The following AGBL4 variants were observed in gnomAD, a reference collection of about 807,000 sequenced individuals.
The protein encoded by AGBL4 is AGBL carboxypeptidase 4, also known as cytosolic carboxypeptidase 6.
AGBL4 carries 58 observed loss-of-function variants against 66.4 expected under a neutral mutation model. The observed-to-expected ratio is 0.87, with a 90% CI of 0.71 to 1.09. AGBL4 has a LOEUF of 1.09. Among genes scored for constraint, AGBL4 ranks in the 50% least tolerant of loss-of-function variants. The pLI is 0.00. For missense variants in AGBL4, 579 were observed against 631.0 expected (o/e 0.92, Z 0.88); for synonymous variants, 234 against 222.9 (o/e 1.05, Z -0.44).
At chr1:48,615,560 G>A (rs748255136) in intron 9 of AGBL4, among the ~76,000 whole-genome samples, 3 of 152,206 alleles carry the variant, frequency 2.0e-5, no homozygotes, top group Non-Finnish European at 4.4e-5. Context: ...GAGAATCACT[G>A]CTTTTAAACC....
intron 5 of AGBL4, among the ~76,000 whole-genome samples, chr1:49,017,664 A>G (rs80108146): frequency 0.043 from 6,484 of 152,226 alleles, 177 homozygotes; most frequent in East Asian, 0.074. Flanking sequence ...GAGGGCAGAA[A>G]TCATGTCTAG....
At chr1:49,306,051 C>G (rs1644844073) in intron 3 of AGBL4, among the ~76,000 whole-genome samples, 1 of 152,062 alleles carries the variant, frequency 6.6e-6, no homozygotes, top group Non-Finnish European at 1.5e-5. Context: ...TTCTTGTCTC[C>G]CTTATTCAAG....
chr1:49,477,164 A>G lies in AGBL4; in HGVS notation c.282+220149T>C, dbSNP rs569440545. Among the ~76,000 whole-genome samples the G allele has an allele frequency of 4.8e-4, 73 of 152,240 alleles. 5 individuals carry two copies. In the South Asian group the frequency reaches 0.011, roughly 22 times the overall value. Reference sequence around the variant, plus strand: ...AACTCACCTCACTGAAGGGAAGGATATAAACTTGGATAGCTTCACTAGCTG... The same window carrying G: ...AACTCACCTCACTGAAGGGAAGGATGTAAACTTGGATAGCTTCACTAGCTG... On this transcript the variant is annotated intron_variant, in intron 3 of 13. Transcript: ENST00000371839.
At chr1:48,671,194 T>TGAGCA (rs1221046024) in intron 6 of AGBL4, among the ~76,000 whole-genome samples, 1 of 152,258 alleles carries the variant, frequency 6.6e-6, no homozygotes, top group Non-Finnish European at 1.5e-5. Context: ...ATGCAGCATC[T>TGAGCA]GTTATGCCAG....
downstream of AGBL4, among the ~76,000 whole-genome samples, chr1:48,529,459 C>T (rs1018834465): frequency 2.0e-5 from 3 of 152,102 alleles, no homozygotes; most frequent in East Asian, 1.9e-4. Flanking sequence ...ATGAGGATCC[C>T]GAGACTTAAA....
At chr1:48,975,961 C>T (rs1428387734) in intron 5 of AGBL4, among the ~76,000 whole-genome samples, 1 of 152,088 alleles carries the variant, frequency 6.6e-6, no homozygotes, top group East Asian at 1.9e-4. Flanking sequence ...CTCAGAACTT[C>T]AAGCAGAACA....
At chr1:49,971,907 G>GTTGTTTTTT (rs1553155278) in intron 1 of AGBL4, among the ~76,000 whole-genome samples, 414 of 23,428 alleles carry the variant, frequency 0.018, 140 homozygotes, top group Non-Finnish European at 0.022. Flanking sequence ...GTTTTTTTGG[G>GTTGTTTTTT]TTTTTTTTTT....
chr1:48,695,005 AC>A (rs1646692970), intron 6 of AGBL4, among the ~76,000 whole-genome samples: 1 of 151,802 alleles, frequency 6.6e-6, no homozygotes. Context: ...ACTCCTCCCC[AC>A]CCTACTGGCT....
intron 5 of AGBL4, among the ~76,000 whole-genome samples, chr1:48,968,322 C>G (rs756073750): frequency 6.6e-6 from 1 of 152,062 alleles, no homozygotes; most frequent in Non-Finnish European, 1.5e-5. Flanking sequence ...GGACTTCATT[C>G]TAGGTGAATG....
chr1:49,088,313 C>T (rs940100241), intron 4 of AGBL4, among the ~76,000 whole-genome samples: 9 of 152,074 alleles, frequency 5.9e-5, no homozygotes, highest in South Asian at 2.1e-4. Context: ...AATGCCCAAC[C>T]GTATGCTGTC....
intron 2 of AGBL4, among the ~76,000 whole-genome samples, chr1:49,718,889 TA>T (rs1190648500): frequency 6.6e-6 from 1 of 152,230 alleles, no homozygotes; most frequent in East Asian, 1.9e-4. Context: ...TTCTCTATTC[TA>T]AAAGTGTCTG....
At chr1:48,997,564 T>C (rs1353577522) in intron 5 of AGBL4, among the ~76,000 whole-genome samples, 1 of 152,188 alleles carries the variant, frequency 6.6e-6, no homozygotes, top group Non-Finnish European at 1.5e-5. Flanking sequence ...AAATTGCACA[T>C]GATCTGGCCT....
chr1:49,137,961 C>T (rs908607053), intron 4 of AGBL4, among the ~76,000 whole-genome samples: 1 of 151,982 alleles, frequency 6.6e-6, no homozygotes, highest in African/African-American at 2.4e-5. Flanking sequence ...TGAGCAGAAG[C>T]TTAAACAAGG....
chr1:49,109,874 C>T (rs1008596091), intron 4 of AGBL4, among the ~76,000 whole-genome samples: 13 of 152,120 alleles, frequency 8.5e-5, no homozygotes, highest in Non-Finnish European at 2.9e-5. Flanking sequence ...TAGAACAATG[C>T]CTGGCTCACA....
In AGBL4 at chr1:49,380,016, G is replaced by C. The variant is rs554045749; in HGVS notation, c.283-134152C>G. 1.9e-4 allele frequency among the ~76,000 whole-genome samples: 29 copies of C among 152,190 alleles called. No individual in the cohort carries two copies. In the East Asian group the frequency reaches 5.2e-3, roughly 27 times the overall value. On this transcript the variant is annotated intron_variant, in intron 3 of 13. Coordinates refer to ENST00000371839, the MANE Select transcript of AGBL4 (RefSeq NM_032785.4). ...TTCTGGCCAGGGAAATTAGGCAGGA[G>C]AAGGAAATAAAGGGTATTCAATTAG...
intron 11 of AGBL4, among the ~76,000 whole-genome samples, chr1:48,566,922 A>G (rs946662985): frequency 1.3e-5 from 2 of 152,214 alleles, no homozygotes; most frequent in African/African-American, 4.8e-5. Flanking sequence ...TGAGGTCAGG[A>G]GTTCAAGACC....
intron 3 of AGBL4, among the ~76,000 whole-genome samples, chr1:49,364,158 T>C (rs935090756): frequency 1.3e-5 from 2 of 152,208 alleles, no homozygotes; most frequent in African/African-American, 2.4e-5. Flanking sequence ...TATAATATTG[T>C]ATAACAAATT....
At chr1:49,422,443 G>T (rs1029543046) in intron 3 of AGBL4, among the ~76,000 whole-genome samples, 2 of 151,984 alleles carry the variant, frequency 1.3e-5, no homozygotes, top group Non-Finnish European at 2.9e-5. Flanking sequence ...GGTCATGCTG[G>T]CTGCTTAACT....
intron 4 of AGBL4, among the ~76,000 whole-genome samples, chr1:49,110,766 C>T (rs904190253): frequency 6.6e-6 from 1 of 152,114 alleles, no homozygotes; most frequent in African/African-American, 2.4e-5. Flanking sequence ...CATTTCTCTG[C>T]TCCTCTTCTT....
Sources: allele counts gnomAD v4.1 joint callset (sites outside exome capture counted in the v4.1 genomes callset), GRCh38; gene constraint gnomAD v4.1.1; transcripts MANE v1.5; gene names NCBI Gene and HGNC (gene_info 2026-07-23, HGNC 2026-07-21).